The following RNF214 variants were observed in gnomAD, a reference collection of about 807,000 sequenced individuals.
The protein encoded by RNF214 is ring finger protein 214.
A neutral mutation model predicts 75.9 loss-of-function variants in RNF214; 25 were observed. The observed-to-expected ratio is 0.33, with a 90% confidence interval of 0.24 to 0.46. RNF214 has a LOEUF of 0.46. RNF214 is among the 20% of genes least tolerant of loss of function. RNF214 has a pLI of 1.00. For synonymous variants in RNF214, 314 were observed against 308.8 expected (o/e 1.02, Z -0.18); for missense variants, 725 against 857.5 (o/e 0.85, Z 1.93).
intron 6 of RNF214, among the ~76,000 whole-genome samples, chr11:117,249,501 G>A (rs1296211357): frequency 1.3e-5 from 2 of 152,108 alleles, no homozygotes; most frequent in African/African-American, 2.4e-5. Flanking sequence ...AGGTATCTTT[G>A]TTCTAGCAGT....
intron 6 of RNF214, among the ~76,000 whole-genome samples, chr11:117,257,807 A>G (rs2033558985): frequency 6.6e-6 from 1 of 152,244 alleles, no homozygotes; most frequent in Non-Finnish European, 1.5e-5. Context: ...AGGGAAATAA[A>G]TGAGAACCAA....
chr11:117,264,136 C>G (rs1045809092), intron 6 of RNF214, among the ~76,000 whole-genome samples: 2 of 152,074 alleles, frequency 1.3e-5, no homozygotes, highest in Non-Finnish European at 2.9e-5. Flanking sequence ...TCCTGGCTAA[C>G]ACGGTGAAAC....
At chr11:117,247,951 T>C (rs1484213960) in intron 6 of RNF214, among the ~76,000 whole-genome samples, 2 of 152,164 alleles carry the variant, frequency 1.3e-5, no homozygotes, top group Non-Finnish European at 2.9e-5. Flanking sequence ...CCAAAGTAAA[T>C]TTCAAACAGT....
At chr11:117,259,081 C>T (rs2033597506) in intron 6 of RNF214, among the ~76,000 whole-genome samples, 2 of 152,116 alleles carry the variant, frequency 1.3e-5, no homozygotes, top group South Asian at 4.1e-4. Flanking sequence ...CTCAGCCTTT[C>T]GAATAGCTGG....
intron 4 of RNF214, among the ~76,000 whole-genome samples, chr11:117,240,125 G>C (rs1237833937): frequency 3.9e-5 from 6 of 152,084 alleles, no homozygotes; most frequent in Admixed American, 3.9e-4. Context: ...AGCCGAAGTG[G>C]GTGGATCGCT....
intron 6 of RNF214, among the ~76,000 whole-genome samples, chr11:117,273,252 A>G (rs1485738072): frequency 6.6e-6 from 1 of 152,176 alleles, no homozygotes; most frequent in Non-Finnish European, 1.5e-5. Flanking sequence ...GTGGATATTC[A>G]TCTTTGATAC....
Position 117,285,586 on chromosome 11 carries a change from C to G in RNF214, c.*435C>G, listed in dbSNP as rs2034237542. The G allele has an allele frequency of 1.3e-5, 2 of 153,688 alleles. 1 individual carries two copies. Among genetic ancestry groups the G allele is most frequent in the South Asian group, 4.1e-4 (2 of 4,884 alleles). The allele number at this position is 153,688 out of a possible 1,614,324, so 9.5% of individuals were successfully genotyped here. ...AGCCTGGTGCTCACCCACTGTCCAA[C>G]CAGATGCCTTGCTTACCGAAAGCCT... On this transcript the variant is annotated 3_prime_UTR_variant, in exon 15 of 15. Coordinates refer to ENST00000300650, the MANE Select transcript of RNF214 (RefSeq NM_207343.4).
intron 5 of RNF214, 74 bp downstream of exon 5, chr11:117,244,659 T>G: frequency 1.1e-6 from 1 of 938,558 alleles, no homozygotes; most frequent in Non-Finnish European, 1.5e-6. Context: ...TTTAAAAAAC[T>G]TTATTTATTT....
intron 4 of RNF214, among the ~76,000 whole-genome samples, chr11:117,241,024 C>T (rs2033065187): frequency 6.7e-6 from 1 of 150,350 alleles, no homozygotes; most frequent in South Asian, 2.1e-4. Context: ...ACTAAAAATA[C>T]AAAAAATTAG....
intron 2 of RNF214, among the ~76,000 whole-genome samples, chr11:117,236,803 A>G (rs116364103): frequency 5.3e-5 from 8 of 152,368 alleles, no homozygotes; most frequent in African/African-American, 1.9e-4. Flanking sequence ...AACTTCATAC[A>G]CTAGTAATAA....
chr11:117,239,776 T>C (rs1195095026), intron 3 of RNF214, 25 bp from the exon 4 acceptor site: 4 of 1,338,844 alleles, frequency 3.0e-6, no homozygotes, highest in Non-Finnish European at 4.3e-6. Context: ...TGAACGATTC[T>C]AAATATAACT....
intron 6 of RNF214, among the ~76,000 whole-genome samples, chr11:117,252,711 G>A (rs960640082): frequency 1.3e-5 from 2 of 151,910 alleles, no homozygotes; most frequent in Admixed American, 1.3e-4. Flanking sequence ...TAGTAGAGAC[G>A]GGGTTTCACT....
At chr11:117,284,736 C>G (rs533464897) in intron 14 of RNF214, among the ~76,000 whole-genome samples, 1 of 152,106 alleles carries the variant, frequency 6.6e-6, no homozygotes, top group African/African-American at 2.4e-5. Flanking sequence ...TCGAGACCAG[C>G]CTGGCCAACA....
At chr11:117,261,224 ATT>A (rs1468881775) in intron 6 of RNF214, among the ~76,000 whole-genome samples, 1 of 152,130 alleles carries the variant, frequency 6.6e-6, no homozygotes. Context: ...TCTATTTCTA[ATT>A]ATCTGAGACT....
intron 5 of RNF214, among the ~76,000 whole-genome samples, chr11:117,245,237 T>G (rs1186255309): frequency 6.6e-6 from 1 of 150,854 alleles, no homozygotes; most frequent in Non-Finnish European, 1.5e-5. Context: ...GAGGATCGCT[T>G]AAACCCAGGA....
intron 8 of RNF214, among the ~76,000 whole-genome samples, chr11:117,280,982 C>CTTTTTT (rs57955215): frequency 9.1e-5 from 8 of 88,002 alleles, no homozygotes; most frequent in East Asian, 3.8e-4. Context: ...AGGAATAGGG[C>CTTTTTT]TTTTTTTTTT....
chr11:117,255,313 C>T (rs747778144), intron 6 of RNF214, among the ~76,000 whole-genome samples: 12 of 152,114 alleles, frequency 7.9e-5, no homozygotes, highest in Non-Finnish European at 1.5e-4. Flanking sequence ...GTGTGTGCAT[C>T]CCACTCCCTT....
At chr11:117,277,068 T>C (rs969459940) in intron 6 of RNF214, among the ~76,000 whole-genome samples, 1 of 152,156 alleles carries the variant, frequency 6.6e-6, no homozygotes, top group Non-Finnish European at 1.5e-5. Context: ...TTAGGCTGGG[T>C]ATAGTGGCTC....
intron 6 of RNF214, among the ~76,000 whole-genome samples, chr11:117,252,894 C>A (rs958479874): frequency 6.6e-6 from 1 of 152,028 alleles, no homozygotes; most frequent in African/African-American, 2.4e-5. Flanking sequence ...TATTCTATCA[C>A]TGGATTGGAA....
Sources: allele counts gnomAD v4.1 joint callset (sites outside exome capture counted in the v4.1 genomes callset), GRCh38; gene constraint gnomAD v4.1.1; transcripts MANE v1.5; gene names NCBI Gene and HGNC (gene_info 2026-07-23, HGNC 2026-07-21).